The following MEI4 variants were observed in gnomAD, a reference collection of about 807,000 sequenced individuals.
MEI4 encodes meiotic double-stranded break formation protein 4.
A neutral mutation model predicts 31.4 loss-of-function variants in MEI4; 27 were observed. The observed-to-expected ratio is 0.86, with a 90% CI of 0.63 to 1.19. MEI4 has a LOEUF of 1.19. MEI4 is among the 50% of genes most tolerant of loss of function. The pLI is 0.00. For missense variants in MEI4, 329 were observed against 398.9 expected, an observed-to-expected ratio of 0.82 and a Z score of 1.49; for synonymous variants, 122 against 145.4, an observed-to-expected ratio of 0.84 and a Z score of 1.16.
intron 2 of MEI4, among the ~76,000 whole-genome samples, chr6:77,736,790 C>T (rs1767250536): frequency 6.6e-6 from 1 of 152,096 alleles, no homozygotes; most frequent in Middle Eastern, 3.4e-3. Context: ...CAATGAGACC[C>T]TGTAGTCCAG....
chr6:77,872,398 T>A (rs1046001215), intron 4 of MEI4, among the ~76,000 whole-genome samples: 3 of 151,960 alleles, frequency 2.0e-5, no homozygotes, highest in African/African-American at 7.3e-5. Context: ...TGTGCCATGA[T>A]CATGCCTGTG....
At chr6:77,754,284 A>G (rs1767858331) in intron 2 of MEI4, among the ~76,000 whole-genome samples, 1 of 152,274 alleles carries the variant, frequency 6.6e-6, no homozygotes, top group African/African-American at 2.4e-5. Context: ...AGTGAAGCTC[A>G]AAACAAACAA....
intron 2 of MEI4, among the ~76,000 whole-genome samples, chr6:77,696,490 G>A (rs1161554566): frequency 6.6e-6 from 1 of 151,998 alleles, no homozygotes; most frequent in African/African-American, 2.4e-5. Context: ...GTTGAATTTT[G>A]TCAAAGGTCT....
intron 4 of MEI4, among the ~76,000 whole-genome samples, chr6:77,853,168 A>G (rs1219671831): frequency 3.9e-5 from 6 of 152,218 alleles, no homozygotes; most frequent in Non-Finnish European, 7.3e-5. Flanking sequence ...ATTGCACTCC[A>G]GCCCTGCAAC....
intron 1 of MEI4, among the ~76,000 whole-genome samples, chr6:77,669,359 T>C (rs890824460): frequency 6.6e-6 from 1 of 152,190 alleles, no homozygotes; most frequent in Non-Finnish European, 1.5e-5. Flanking sequence ...TAAAAAATTA[T>C]GATTTTTCTT....
chr6:77,690,965 T>A, intron 2 of MEI4, 62 bp downstream of exon 2: 1 of 854,456 alleles, frequency 1.2e-6, no homozygotes, highest in Non-Finnish European at 1.6e-6. Context: ...GTTGCACAAT[T>A]ATTTAGAAAT....
chr6:77,821,771 G>A (rs1325058492), intron 3 of MEI4, among the ~76,000 whole-genome samples: 2 of 141,714 alleles, frequency 1.4e-5, no homozygotes, highest in African/African-American at 5.4e-5. Flanking sequence ...ACTCCAGCCT[G>A]GGCAACAAGA....
At chr6:77,768,986 G>C (rs1455739721) in intron 3 of MEI4, among the ~76,000 whole-genome samples, 1 of 152,038 alleles carries the variant, frequency 6.6e-6, no homozygotes, top group Non-Finnish European at 1.5e-5. Flanking sequence ...TGCCTCCACA[G>C]GAAGACTAAA....
intron 4 of MEI4, among the ~76,000 whole-genome samples, chr6:77,858,567 C>T (rs1409698205): frequency 6.6e-6 from 1 of 151,704 alleles, no homozygotes; most frequent in African/African-American, 2.4e-5. Flanking sequence ...TATTTGTTGG[C>T]TAATAATGGT....
chr6:77,730,716 C>T (rs543460331), intron 2 of MEI4, among the ~76,000 whole-genome samples: 9 of 151,882 alleles, frequency 5.9e-5, no homozygotes, highest in South Asian at 2.1e-4. Flanking sequence ...CATGCTGGTG[C>T]GCTGCACCCA....
intron 1 of MEI4, among the ~76,000 whole-genome samples, chr6:77,685,312 CTTTTT>C (rs56264627): frequency 7.8e-6 from 1 of 128,220 alleles, no homozygotes; most frequent in Admixed American, 7.8e-5. Context: ...TGTCCCTTCA[CTTTTT>C]TTTTTTTTTT....
chr6:77,891,571 T>C (rs979485069), intron 4 of MEI4, among the ~76,000 whole-genome samples: 4 of 152,188 alleles, frequency 2.6e-5, no homozygotes, highest in Non-Finnish European at 5.9e-5. Flanking sequence ...TGTATCTCAC[T>C]GTTTCTTCAA....
At chr6:77,666,616 T>C (rs976011959) in intron 1 of MEI4, among the ~76,000 whole-genome samples, 1 of 152,198 alleles carries the variant, frequency 6.6e-6, no homozygotes, top group African/African-American at 2.4e-5. Flanking sequence ...GGTTGTATAA[T>C]CTCTGTCTGA....
chr6:77,900,019 A>G (rs1562030711), intron 4 of MEI4, among the ~76,000 whole-genome samples: 2 of 151,998 alleles, frequency 1.3e-5, no homozygotes, highest in Non-Finnish European at 1.5e-5. Context: ...GAAAACCAAA[A>G]TAGACACATG....
intron 3 of MEI4, among the ~76,000 whole-genome samples, chr6:77,795,372 C>G (rs995010545): frequency 2.6e-5 from 4 of 152,062 alleles, no homozygotes; most frequent in Admixed American, 1.3e-4. Context: ...TTAGAGGCAG[C>G]CTTCTTACAG....
chr6:77,769,473 C>T (rs1044160020), intron 3 of MEI4, among the ~76,000 whole-genome samples: 4 of 152,110 alleles, frequency 2.6e-5, no homozygotes, highest in Admixed American at 6.6e-5. Context: ...CTGTGTTGGG[C>T]TTGGAGCCAG....
Position 77,926,319 on chromosome 6 carries a change from G to A in MEI4, c.*2973G>A, listed in dbSNP as rs577792620. The A allele has an allele frequency of 2.6e-5, 4 of 151,852 alleles. No homozygotes were observed. The highest frequency in any genetic ancestry group is 5.9e-5 in the Non-Finnish European group (4 of 67,908). The allele number at this position is 151,852 out of a possible 1,614,324, so 9.4% of individuals were successfully genotyped here. A position where few individuals can be genotyped will look rare whatever the true frequency, so the allele number is the denominator to read the frequency against. ...GAACAGCATCTTTGACCTTTTCAGG[G>A]TTGTAGCATCTTGCTACTCAAGACT... On this transcript the variant is annotated 3_prime_UTR_variant, in exon 5 of 5. Coordinates refer to ENST00000684080, the MANE Select transcript of MEI4 (RefSeq NM_001322247.2).
chr6:77,907,499 G>T (rs989878801), intron 4 of MEI4, among the ~76,000 whole-genome samples: 13 of 152,080 alleles, frequency 8.5e-5, no homozygotes, highest in Admixed American at 4.6e-4. Context: ...AGTATTCCAT[G>T]GTGTATATGT....
chr6:77,727,431 A>T (rs191666491), intron 2 of MEI4, among the ~76,000 whole-genome samples: 1 of 152,316 alleles, frequency 6.6e-6, no homozygotes, highest in Non-Finnish European at 1.5e-5. Context: ...TTGAAGATAT[A>T]TGTTTAGCAT....
Sources: allele counts gnomAD v4.1 joint callset (sites outside exome capture counted in the v4.1 genomes callset), GRCh38; gene constraint gnomAD v4.1.1; transcripts MANE v1.5; gene names NCBI Gene and HGNC (gene_info 2026-07-23, HGNC 2026-07-21).